PCDH15: variants seen among roughly 807,000 people sequenced by gnomAD.
PCDH15 encodes protocadherin-15.
A neutral mutation model predicts 178.5 loss-of-function variants in PCDH15; 129 were observed. That is an observed-to-expected ratio of 0.72 (90% CI 0.63 to 0.84). The LOEUF (loss-of-function observed/expected upper bound fraction) is 0.84. Among genes scored for constraint, PCDH15 ranks in the 40% least tolerant of loss-of-function variants. PCDH15 has a pLI of 0.00. For synonymous variants in PCDH15, 800 were observed against 732.0 expected (o/e 1.09, Z -1.50); for missense variants, 2,230 against 2,099.9 (o/e 1.06, Z -1.21).
intron 2 of PCDH15, among the ~76,000 whole-genome samples, chr10:55,020,226 C>T (rs1840288822): frequency 1.3e-5 from 2 of 151,136 alleles, no homozygotes; most frequent in African/African-American, 2.4e-5. Flanking sequence ...ACTTACTGTG[C>T]AAATACTCCA....
At chr10:54,543,295 G>C (rs1475959550) in intron 2 of PCDH15, among the ~76,000 whole-genome samples, 1 of 152,190 alleles carries the variant, frequency 6.6e-6, no homozygotes, top group Non-Finnish European at 1.5e-5. Flanking sequence ...TTGTGATAAG[G>C]AAGGGGGTCT....
At chr10:53,823,588 T>TACTC (rs2076464595) in intron 32 of PCDH15, among the ~76,000 whole-genome samples, 1 of 152,026 alleles carries the variant, frequency 6.6e-6, no homozygotes, top group East Asian at 1.9e-4. Flanking sequence ...AAAAAAAAAG[T>TACTC]ACTCATCTCT....
chr10:54,636,871 C>G (rs1480715196), intron 2 of PCDH15, among the ~76,000 whole-genome samples: 1 of 151,744 alleles, frequency 6.6e-6, no homozygotes, highest in Non-Finnish European at 1.5e-5. Flanking sequence ...GAAAACACAA[C>G]AAAATTTTCA....
At chr10:54,110,222 T>A (rs982344529) in intron 15 of PCDH15, among the ~76,000 whole-genome samples, 3 of 151,340 alleles carry the variant, frequency 2.0e-5, no homozygotes, top group Non-Finnish European at 4.4e-5. Context: ...AGGCAGGAGA[T>A]TGGTTTAACC....
intron 2 of PCDH15, among the ~76,000 whole-genome samples, chr10:55,058,247 G>C (rs770983540): frequency 6.6e-6 from 1 of 151,744 alleles, no homozygotes; most frequent in Non-Finnish European, 1.5e-5. Context: ...GTCTTTCTCT[G>C]TTTCCCTGGC....
At chr10:54,942,268 T>A (rs1328790975) in intron 2 of PCDH15, among the ~76,000 whole-genome samples, 1 of 152,104 alleles carries the variant, frequency 6.6e-6, no homozygotes, top group African/African-American at 2.4e-5. Flanking sequence ...ACCACAGATA[T>A]GCTTTGCCAT....
intron 2 of PCDH15, among the ~76,000 whole-genome samples, chr10:55,335,476 T>C (rs35345204): frequency 0.049 from 7,413 of 152,314 alleles, 209 homozygotes; most frequent in South Asian, 0.1. Flanking sequence ...TTAAAAATCT[T>C]TGAAAGACTT....
At chr10:54,759,859 A>G (rs1002288266) in intron 1 of PCDH15, among the ~76,000 whole-genome samples, 1 of 152,168 alleles carries the variant, frequency 6.6e-6, no homozygotes, top group Admixed American at 6.6e-5. Flanking sequence ...TACAGCTGCA[A>G]CCCAGAATGA....
rs116757438 is a variant in PCDH15, at chr10:55,367,057, G to A, written c.-155-200406C>T. 5.6e-3 allele frequency among the ~76,000 whole-genome samples: 854 copies of A among 151,736 alleles called. 9 individuals are homozygous for A. Among genetic ancestry groups the A allele is most frequent in the African/African-American group, 0.02 (811 of 41,386 alleles). ...CCATTCTCTGGGATTATGGGATTAC[G>A]GGATTCTGGGGAAGTGAGGTCTACA... On this transcript the variant is annotated intron_variant, in intron 2 of 5. Transcript: ENST00000613346.
intron 1 of PCDH15, among the ~76,000 whole-genome samples, chr10:55,195,843 A>C (rs940633220): frequency 1.3e-5 from 2 of 152,066 alleles, no homozygotes; most frequent in African/African-American, 4.8e-5. Context: ...ATTTTGAAAT[A>C]ATACTTGAAA....
intron 2 of PCDH15, among the ~76,000 whole-genome samples, chr10:55,524,612 G>A (rs1030123646): frequency 6.6e-6 from 1 of 151,236 alleles, no homozygotes; most frequent in Admixed American, 6.6e-5. Context: ...CTCTTGGTGG[G>A]TAATTTCATA....
intron 2 of PCDH15, among the ~76,000 whole-genome samples, chr10:55,069,695 G>A (rs1841675561): frequency 6.9e-6 from 1 of 144,376 alleles, no homozygotes; most frequent in African/African-American, 2.6e-5. Context: ...CATTTGGCTT[G>A]GTTCCAAGTC....
intron 3 of PCDH15, among the ~76,000 whole-genome samples, chr10:54,506,544 T>C (rs2137595291): frequency 6.6e-6 from 1 of 152,162 alleles, no homozygotes; most frequent in Non-Finnish European, 1.5e-5. Flanking sequence ...GCTTGAATCA[T>C]GTAATAAATT....
chr10:55,261,894 C>T (rs1410113276), intron 1 of PCDH15, among the ~76,000 whole-genome samples: 1 of 151,820 alleles, frequency 6.6e-6, no homozygotes, highest in Non-Finnish European at 1.5e-5. Flanking sequence ...GCACTAACAA[C>T]GAAGGAAAAC....
intron 3 of PCDH15, among the ~76,000 whole-genome samples, chr10:54,497,186 G>A (rs2080201944): frequency 6.6e-6 from 1 of 151,232 alleles, no homozygotes; most frequent in Non-Finnish European, 1.5e-5. Flanking sequence ...CTTAGCTTTA[G>A]TCCCCTGAAA....
chr10:54,793,334 G>C (rs1951615546), intron 1 of PCDH15, among the ~76,000 whole-genome samples: 1 of 151,826 alleles, frequency 6.6e-6, no homozygotes, highest in South Asian at 2.1e-4. Flanking sequence ...GGGAAGCTGA[G>C]ATTTTATACA....
intron 8 of PCDH15, among the ~76,000 whole-genome samples, chr10:54,288,656 G>A (rs777753540): frequency 1.1e-4 from 16 of 152,280 alleles, no homozygotes; most frequent in South Asian, 6.2e-4. Context: ...GGACACTCCC[G>A]CCCAAATACT....
At chr10:54,062,418 T>C (rs561203643) in intron 18 of PCDH15, among the ~76,000 whole-genome samples, 11 of 151,948 alleles carry the variant, frequency 7.2e-5, no homozygotes, top group African/African-American at 2.4e-4. Context: ...TTGATGACAA[T>C]TAAAATTAAA....
At chr10:54,726,984 T>G (rs7921370) in intron 1 of PCDH15, among the ~76,000 whole-genome samples, 47 of 134,742 alleles carry the variant, frequency 3.5e-4, no homozygotes, top group African/African-American at 1.2e-3. Context: ...TGGAAAATAT[T>G]TTTGTGGGTA....
Sources: gnomAD v4.1 joint callset for allele counts (sites outside exome capture counted in the v4.1 genomes callset) on GRCh38, gnomAD v4.1.1 for gene constraint, MANE v1.5 for transcripts, NCBI Gene and HGNC (gene_info 2026-07-23, HGNC 2026-07-21) for gene names.